BTBD16: variants seen among roughly 807,000 people sequenced by gnomAD.
BTBD16 encodes BTB domain containing 16, also known as BTB/POZ domain-containing protein 16.
Under a neutral mutation model 67.4 loss-of-function variants are expected in BTBD16, and 66 were observed. The observed-to-expected ratio is 0.98, with a 90% CI of 0.80 to 1.20. BTBD16 has a LOEUF of 1.20. BTBD16 is among the 50% of genes most tolerant of loss of function. The probability of loss-of-function intolerance (pLI) is 0.00; values close to 1 mark genes in which losing one functional copy is unlikely to be tolerated. For missense variants in BTBD16, 634 were observed against 616.0 expected (o/e 1.03, Z -0.31); for synonymous variants, 242 against 236.4 (o/e 1.02, Z -0.22).
intron 10 of BTBD16, among the ~76,000 whole-genome samples, chr10:122,312,569 C>G (rs2096415991): frequency 6.6e-6 from 1 of 152,088 alleles, no homozygotes; most frequent in African/African-American, 2.4e-5. Context: ...CCGCCTTGGT[C>G]TCCCAAAGTG....
intron 13 of BTBD16, among the ~76,000 whole-genome samples, chr10:122,334,494 CTTTTTTTTTTTTTTTTT>C (rs869262992): frequency 2.1e-4 from 9 of 43,284 alleles, no homozygotes; most frequent in Admixed American, 1.6e-3. Context: ...CGTGCCCGGC[CTTTTTTTTTTTTTTTTT>C]TTTTTTTTTT....
chr10:122,337,012 C>T (rs2096464353), intron 15 of BTBD16, among the ~76,000 whole-genome samples: 1 of 152,162 alleles, frequency 6.6e-6, no homozygotes, highest in Non-Finnish European at 1.5e-5. Context: ...TCCACTGATG[C>T]CTGTGAGTGG....
intron 15 of BTBD16, 65 bp from the exon 16 acceptor site, chr10:122,337,952 C>T (rs1235676127): frequency 3.6e-6 from 5 of 1,372,656 alleles, no homozygotes; most frequent in Middle Eastern, 1.8e-4. Flanking sequence ...TCCTCTTTCC[C>T]CTTCTGGGGG....
At chr10:122,331,382 C>A (rs2096454865) in intron 12 of BTBD16, 124 bp downstream of exon 12, 3 of 1,350,200 alleles carry the variant, frequency 2.2e-6, no homozygotes, top group Admixed American at 3.2e-5. Context: ...ATATCTGGAT[C>A]ATCTTCCAGG....
intron 10 of BTBD16, among the ~76,000 whole-genome samples, chr10:122,314,290 G>T (rs2096419845): frequency 6.6e-6 from 1 of 152,118 alleles, no homozygotes; most frequent in Non-Finnish European, 1.5e-5. Context: ...GGAGGCCTGA[G>T]GCCAGGAGTT....
chr10:122,298,705 G>A (rs896740583), intron 8 of BTBD16, among the ~76,000 whole-genome samples: 3 of 152,176 alleles, frequency 2.0e-5, no homozygotes, highest in African/African-American at 7.2e-5. Flanking sequence ...CGAGTTGTGT[G>A]ACGACAGGCA....
chr10:122,285,865 C>G (rs2096362627), intron 4 of BTBD16, among the ~76,000 whole-genome samples: 1 of 152,154 alleles, frequency 6.6e-6, no homozygotes, highest in African/African-American at 2.4e-5. Context: ...CGACAGCTGT[C>G]CTGGACACGT....
intron 6 of BTBD16, among the ~76,000 whole-genome samples, 176 bp from the exon 7 acceptor site, chr10:122,290,904 G>A (rs1239176796): frequency 6.6e-6 from 1 of 152,162 alleles, no homozygotes; most frequent in Non-Finnish European, 1.5e-5. Flanking sequence ...ACTCCTTTGG[G>A]AAGGCTGGTA....
chr10:122,295,467 C>T, intron 7 of BTBD16: 1 of 985,374 alleles, frequency 1.0e-6, no homozygotes, highest in Non-Finnish European at 1.2e-6. Flanking sequence ...GAGCAGGAAG[C>T]CTGGGCTTGG....
intron 10 of BTBD16, among the ~76,000 whole-genome samples, chr10:122,307,545 T>C (rs1426182344): frequency 1.3e-5 from 2 of 152,066 alleles, no homozygotes; most frequent in Non-Finnish European, 2.9e-5. Flanking sequence ...TCTGGGAACT[T>C]GCTGTGTCCA....
chr10:122,292,503 A>G (rs545361382), intron 7 of BTBD16, among the ~76,000 whole-genome samples: 22 of 152,366 alleles, frequency 1.4e-4, no homozygotes, highest in African/African-American at 4.6e-4. Flanking sequence ...GACCTCTAAC[A>G]CTGTACTATT....
In BTBD16 at chr10:122,299,132, C is replaced by T. The variant is rs1370170021; in HGVS notation, c.789C>T (p.Pro263=). 3.1e-6 allele frequency: 5 copies of T among 1,613,356 alleles called. No individual in the cohort carries two copies. The African/African-American group carries it at 6.7e-5, about 22-fold the overall frequency. ...QDLLHKVLKS[P]RLFTFSEFHL... ...TGCTCCACAAAGTGCTGAAGTCCCC[C>T]AGGTCAGAGCTGGCTCCCAGGGTGC... The change falls in exon 9 of 16, where the codon CCC becomes CCT. Residue 263 remains proline, a splice_region_variant and synonymous_variant. Coordinates refer to ENST00000260723, the MANE Select transcript of BTBD16 (RefSeq NM_144587.5).
chr10:122,332,444 TG>T lies in BTBD16; in HGVS notation c.1100del (p.Gly367AlafsTer6), dbSNP rs1255548103. On this transcript the variant is annotated frameshift_variant, in exon 13 of 16. Transcript: ENST00000260723. LOFTEE classifies it high-confidence loss of function. ...GTGCATTTTCCTTTCAGCTGGAGAA[TG>T]GGGGCGACATGGTCCACCTGAAAGA... ...TVNHYHALENGGDMVHLKDLN... is the reference protein window; with the variant it reads ...TVNHYHALENXGDMVHLKDLN... 3.1e-6 allele frequency: 5 copies of T among 1,613,760 alleles called. No homozygotes were observed. The highest frequency in any genetic ancestry group is 3.3e-5 in the Admixed American group (2 of 59,960).
intron 10 of BTBD16, among the ~76,000 whole-genome samples, chr10:122,313,199 A>C: frequency 6.6e-6 from 1 of 150,984 alleles, no homozygotes; most frequent in East Asian, 2.0e-4. Context: ...TTTGATGAAC[A>C]AAATTTTAAA....
intron 4 of BTBD16, among the ~76,000 whole-genome samples, chr10:122,284,283 T>C (rs780995090): frequency 6.6e-6 from 1 of 152,094 alleles, no homozygotes; most frequent in Non-Finnish European, 1.5e-5. Context: ...ACCCCGTCTC[T>C]ACTAAAAATA....
At chr10:122,331,145 T>TAAA in intron 11 of BTBD16, 31 bp from the exon 12 acceptor site, 1 of 1,603,646 alleles carries the variant, frequency 6.2e-7, no homozygotes, top group Non-Finnish European at 8.5e-7. Flanking sequence ...TGAATAAAAC[T>TAAA]AAAAAACATT....
rs183629000 is a variant in BTBD16 at position 122,318,821 on chromosome 10, G to T, written c.912-10659G>T. On this transcript the variant is annotated intron_variant, in intron 10 of 15. Coordinates refer to ENST00000260723, the MANE Select transcript of BTBD16 (RefSeq NM_144587.5). ...GGCTGGTCTCAAACTCCTGACCTCA[G>T]GTGATCCACCTGCCTCGGCCTCCCA... Among the ~76,000 whole-genome samples, 40 of 152,242 alleles carry T rather than the reference G, an allele frequency of 2.6e-4. No homozygotes were observed. The East Asian group carries it at 7.7e-3, about 29-fold the overall frequency.
intron 2 of BTBD16, among the ~76,000 whole-genome samples, chr10:122,275,572 TA>T (rs2096338893): frequency 6.6e-6 from 1 of 152,218 alleles, no homozygotes; most frequent in South Asian, 2.1e-4. Context: ...GAATGTTAAG[TA>T]ACTTGCTCAA....
At chr10:122,335,205 C>A (rs183382105) in intron 14 of BTBD16, among the ~76,000 whole-genome samples, 1 of 152,192 alleles carries the variant, frequency 6.6e-6, no homozygotes, top group South Asian at 2.1e-4. Flanking sequence ...GAAAACTGAG[C>A]GTCTTTGTGT....
Sources: gnomAD v4.1 joint callset for allele counts (sites outside exome capture counted in the v4.1 genomes callset) on GRCh38, gnomAD v4.1.1 for gene constraint, MANE v1.5 for transcripts, NCBI Gene and HGNC (gene_info 2026-07-23, HGNC 2026-07-21) for gene names.